CTNNBL1: variants seen among roughly 807,000 people sequenced by gnomAD.
CTNNBL1 encodes beta-catenin-like protein 1.
A neutral mutation model predicts 72.7 loss-of-function variants in CTNNBL1; 31 were observed. The ratio of observed to expected loss-of-function variants is 0.43; its 90% CI spans 0.32 to 0.58. The LOEUF is 0.58. CTNNBL1 is among the 20% of genes least tolerant of loss of function. CTNNBL1 has a pLI of 0.08. For missense variants in CTNNBL1, 534 were observed against 725.1 expected (o/e 0.74, Z 3.03); for synonymous variants, 240 against 267.3 (o/e 0.90, Z 1.00).
rs529633296 is a variant in CTNNBL1 at position 37,855,782 on chromosome 20, A to G, written c.1393-4117A>G. On this transcript the variant is annotated intron_variant, in intron 13 of 15. Transcript: ENST00000361383. ...TATCTGACTTCTCTGGCCAGCCTGT[A>G]TGCCTACCATCAGCTCGCCCTCCAA... 1.1e-3 allele frequency among the ~76,000 whole-genome samples: 175 copies of G among 152,326 alleles called. 1 individual carries two copies. Among genetic ancestry groups the G allele is most frequent in the African/African-American group, 4.0e-3 (167 of 41,574 alleles).
chr20:37,797,957 G>C (rs539542008), intron 10 of CTNNBL1, among the ~76,000 whole-genome samples: 2 of 152,288 alleles, frequency 1.3e-5, no homozygotes, highest in South Asian at 2.1e-4. Flanking sequence ...CCTGCAGCTT[G>C]GTTCAGGCAT....
At chr20:37,817,015 C>T (rs1292272089) in intron 11 of CTNNBL1, among the ~76,000 whole-genome samples, 1 of 152,140 alleles carries the variant, frequency 6.6e-6, no homozygotes, top group Admixed American at 6.5e-5. Context: ...TTGCTGTGTT[C>T]CAGGGTATAC....
At chr20:37,821,241 T>C (rs1307654589) in intron 11 of CTNNBL1, among the ~76,000 whole-genome samples, 2 of 152,210 alleles carry the variant, frequency 1.3e-5, no homozygotes, top group East Asian at 1.9e-4. Flanking sequence ...TCCTTTCTTA[T>C]GCTCCCGACA....
chr20:37,839,279 C>T (rs1313558315), intron 11 of CTNNBL1, among the ~76,000 whole-genome samples: 1 of 152,160 alleles, frequency 6.6e-6, no homozygotes, highest in East Asian at 1.9e-4. Flanking sequence ...TAGGAAGATG[C>T]TCATCAGTTT....
chr20:37,798,650 C>A (rs1373536904), intron 10 of CTNNBL1, among the ~76,000 whole-genome samples: 1 of 152,150 alleles, frequency 6.6e-6, no homozygotes. Flanking sequence ...ACACTGCCTA[C>A]CTCAAGAAGG....
At chr20:37,833,727 C>T (rs1056207376) in intron 11 of CTNNBL1, among the ~76,000 whole-genome samples, 3 of 152,158 alleles carry the variant, frequency 2.0e-5, no homozygotes, top group African/African-American at 4.8e-5. Context: ...GTCGAAATGA[C>T]GGAGCAGCTG....
intron 1 of CTNNBL1, among the ~76,000 whole-genome samples, chr20:37,723,609 A>G (rs2073060134): frequency 6.6e-6 from 1 of 152,140 alleles, no homozygotes; most frequent in Non-Finnish European, 1.5e-5. Context: ...ATATGTATTT[A>G]TATTTGAATA....
chr20:37,763,072 T>A (rs535943962), intron 5 of CTNNBL1, among the ~76,000 whole-genome samples: 1 of 152,266 alleles, frequency 6.6e-6, no homozygotes, highest in East Asian at 1.9e-4. Context: ...CAATTGAAAT[T>A]GGTGTAGCAG....
chr20:37,701,053 A>T (rs1304944670), intron 1 of CTNNBL1, among the ~76,000 whole-genome samples: 2 of 152,206 alleles, frequency 1.3e-5, no homozygotes, highest in Non-Finnish European at 2.9e-5. Flanking sequence ...GAAAACTATT[A>T]TCCTAATTCA....
rs116619444 is a variant in CTNNBL1, at chr20:37,866,921, G to A, written c.1604-5004G>A. On this transcript the variant is annotated intron_variant, in intron 15 of 15. Coordinates refer to ENST00000361383, the MANE Select transcript of CTNNBL1 (RefSeq NM_030877.5). The stretch of plus-strand genomic sequence containing the variant: ...AAAGCAGGGACCAGCACACAGGCTC[G>A]ACTTCCCCGGGGCCTTGTGGGGGTG... 5.6e-3 allele frequency among the ~76,000 whole-genome samples: 846 copies of A among 152,232 alleles called. 7 individuals are homozygous for A. The highest frequency in any genetic ancestry group is 0.019 in the African/African-American group (808 of 41,544).
At chr20:37,842,464 CGTTTGG>C (rs767194180) in intron 13 of CTNNBL1, 45 bp downstream of exon 13, 4 of 1,365,416 alleles carry the variant, frequency 2.9e-6, no homozygotes, top group Non-Finnish European at 4.2e-6. Flanking sequence ...ACTTGCCCTC[CGTTTGG>C]GTCCCTTGTG....
intron 12 of CTNNBL1, among the ~76,000 whole-genome samples, chr20:37,841,982 A>T (rs1006654282): frequency 6.6e-6 from 1 of 152,240 alleles, no homozygotes; most frequent in African/African-American, 2.4e-5. Context: ...GTGAATATCA[A>T]GTGTGTAACT....
rs2073486362 is a variant in CTNNBL1, at chr20:37,768,050, T to C, written c.750+6T>C. ...GGCTGTTGAAGAGGCTGAAGGTGAG[T>C]TTGGCTGTGGGGAACTGCAGCTCAC... On this transcript the variant is annotated splice_donor_region_variant and intron_variant, in intron 7 of 15. Transcript: ENST00000361383. 4 of 1,612,834 alleles carry C rather than the reference T, an allele frequency of 2.5e-6. No individual in the cohort carries two copies. In the Admixed American group the frequency reaches 6.7e-5, roughly 27 times the overall value.
Position 37,696,672 on chromosome 20 carries a change from A to G in CTNNBL1, c.30+2520A>G, listed in dbSNP as rs944906677. 4.6e-4 allele frequency among the ~76,000 whole-genome samples: 69 copies of G among 151,112 alleles called. 1 individual carries two copies. Among genetic ancestry groups the G allele is most frequent in the Non-Finnish European group, 1.5e-4 (10 of 67,792 alleles). ...TTGGTCAGGCTGGTCTTGACTCCCAACCTCAGGTGATCTGCCAGCCTTGGC... is the reference window on the plus strand; with the variant it reads ...TTGGTCAGGCTGGTCTTGACTCCCAGCCTCAGGTGATCTGCCAGCCTTGGC... On this transcript the variant is annotated intron_variant, in intron 1 of 15. Coordinates refer to ENST00000361383, the MANE Select transcript of CTNNBL1 (RefSeq NM_030877.5).
intron 12 of CTNNBL1, among the ~76,000 whole-genome samples, chr20:37,840,410 A>T (rs966233810): frequency 1.3e-5 from 2 of 152,182 alleles, no homozygotes; most frequent in African/African-American, 4.8e-5. Context: ...ACACCTGAGG[A>T]TGATACCACT....
chr20:37,852,377 A>G (rs1034669704), intron 13 of CTNNBL1, among the ~76,000 whole-genome samples: 2 of 152,212 alleles, frequency 1.3e-5, no homozygotes, highest in Non-Finnish European at 2.9e-5. Flanking sequence ...GTCACAGCAG[A>G]TCCAGGGGTT....
chr20:37,816,662 T>A (rs763387661), intron 11 of CTNNBL1, among the ~76,000 whole-genome samples: 1 of 152,220 alleles, frequency 6.6e-6, no homozygotes, highest in Non-Finnish European at 1.5e-5. Context: ...ACATTTCTTA[T>A]ACTTTTTCTA....
At position 37,698,925 on chromosome 20, in the gene CTNNBL1, G is replaced by A. The variant is rs563067412; in HGVS notation, c.30+4773G>A. On this transcript the variant is annotated intron_variant, in intron 1 of 15. Transcript: ENST00000361383. Reference sequence around the variant, plus strand: ...GCTGGGCATGGTGGTGTGTGTCTGTGGTCCCAGCTACTTAGGAGGCTGAGG... The same window carrying A: ...GCTGGGCATGGTGGTGTGTGTCTGTAGTCCCAGCTACTTAGGAGGCTGAGG... Among the ~76,000 whole-genome samples the A allele has an allele frequency of 1.1e-3, 164 of 152,122 alleles. 3 individuals carry two copies. In the South Asian group the frequency reaches 0.033, roughly 30 times the overall value.
chr20:37,832,787 A>G (rs2072221078), intron 11 of CTNNBL1, among the ~76,000 whole-genome samples: 1 of 73,418 alleles, frequency 1.4e-5, no homozygotes, highest in Non-Finnish European at 2.5e-5. Flanking sequence ...AATGTGGACC[A>G]TACTTTTTTT....
Sources: allele counts gnomAD v4.1 joint callset (sites outside exome capture counted in the v4.1 genomes callset), GRCh38; gene constraint gnomAD v4.1.1; transcripts MANE v1.5; gene names NCBI Gene and HGNC (gene_info 2026-07-23, HGNC 2026-07-21).